ZNF519: variants seen among roughly 807,000 people sequenced by gnomAD.
ZNF519 encodes the protein zinc finger protein 519.
ZNF519 carries 7 observed loss-of-function variants against 7.4 expected under a neutral mutation model. The observed-to-expected ratio is 0.94, with a 90% CI of 0.54 to 1.77. The LOEUF is 1.77. Among genes scored for constraint, ZNF519 ranks in the 40% most tolerant of loss-of-function variants. The pLI is 0.00. For missense variants in ZNF519, 586 were observed against 623.1 expected (o/e 0.94, Z 0.63); for synonymous variants, 179 against 203.3 (o/e 0.88, Z 1.02).
rs977652980 is a variant in ZNF519 at position 14,103,653 on chromosome 18, C to T, written c.*1264G>A. On this transcript the variant is annotated 3_prime_UTR_variant, in exon 3 of 3. Coordinates refer to ENST00000590202, the MANE Select transcript of ZNF519 (RefSeq NM_145287.4). Reference sequence around the variant, plus strand: ...TAACTACTCAACACACCTTGGGGAACTTGTTAGAGTAACAAGTAATAACTT... The same window carrying T: ...TAACTACTCAACACACCTTGGGGAATTTGTTAGAGTAACAAGTAATAACTT... 15 of 152,142 alleles carry T rather than the reference C, an allele frequency of 9.9e-5. No individual in the cohort carries two copies. The highest frequency in any genetic ancestry group is 3.6e-4 in the African/African-American group (15 of 41,508). 9.4% of individuals were successfully genotyped at this position (152,142 alleles called of 1,614,324 possible).
intron 2 of ZNF519, among the ~76,000 whole-genome samples, chr18:14,092,612 T>C (rs2046119110): frequency 6.6e-6 from 1 of 152,122 alleles, no homozygotes; most frequent in Admixed American, 6.5e-5. Flanking sequence ...GCCTCGACAG[T>C]GACCTACCCA....
At chr18:14,079,511 C>T (rs188303244) in intron 3 of ZNF519, among the ~76,000 whole-genome samples, 43 of 152,228 alleles carry the variant, frequency 2.8e-4, no homozygotes, top group Admixed American at 2.7e-3. Context: ...AGTTTCAAGA[C>T]TTACAATAAA....
chr18:14,082,903 A>G (rs75348127), intron 3 of ZNF519: 7,305 of 152,320 alleles, frequency 0.048, 277 homozygotes, highest in Non-Finnish European at 0.073. Context: ...GCCCAGGACT[A>G]TGAACTCCTG....
chr18:14,087,983 G>A (rs2046098669), intron 2 of ZNF519, among the ~76,000 whole-genome samples: 1 of 152,168 alleles, frequency 6.6e-6, no homozygotes, highest in Non-Finnish European at 1.5e-5. Flanking sequence ...ATGGAACTAT[G>A]TAGAGAGAGC....
intron 2 of ZNF519, among the ~76,000 whole-genome samples, chr18:14,086,001 T>A (rs978484495): frequency 1.3e-5 from 2 of 152,116 alleles, no homozygotes; most frequent in African/African-American, 2.4e-5. Flanking sequence ...CCAGTTTCCA[T>A]TGGCTTTGGC....
chr18:14,079,114 G>A (rs2046060380), intron 3 of ZNF519, among the ~76,000 whole-genome samples: 1 of 152,174 alleles, frequency 6.6e-6, no homozygotes, highest in Admixed American at 6.5e-5. Flanking sequence ...TTTGGTGTTT[G>A]TATCTTTCTA....
intron 2 of ZNF519, among the ~76,000 whole-genome samples, chr18:14,092,426 G>T (rs1257470346): frequency 6.6e-6 from 1 of 152,158 alleles, no homozygotes; most frequent in Admixed American, 6.5e-5. Context: ...TATAAGTGTA[G>T]GACTTAGAGG....
At chr18:14,097,137 T>C (rs2046140109), downstream of ZNF519, among the ~76,000 whole-genome samples, 1 of 152,210 alleles carries the variant, frequency 6.6e-6, no homozygotes, top group South Asian at 2.1e-4. Context: ...TAGTTCCTTT[T>C]GGCTACAAAT....
chr18:14,074,086 C>G (rs1025168231), downstream of ZNF519: 1 of 152,228 alleles, frequency 6.6e-6, no homozygotes, highest in African/African-American at 2.4e-5. Context: ...CTGTAGTCAT[C>G]TGTGTCCTGC....
rs1301742354 is a variant in ZNF519 at position 14,102,383 on chromosome 18, A to T, written c.*2534T>A. ...AGGGTTTTACTAAGTTGGCTAGGCT[A>T]GTCTCGAACTCCTGACCTCAGGTGA... On this transcript the variant is annotated 3_prime_UTR_variant, in exon 3 of 3. Coordinates refer to ENST00000590202, the MANE Select transcript of ZNF519 (RefSeq NM_145287.4). 1.3e-5 allele frequency: 2 copies of T among 152,066 alleles called. No individual in the cohort carries two copies. Among genetic ancestry groups the T allele is most frequent in the African/African-American group, 4.8e-5 (2 of 41,400 alleles). The allele number at this position is 152,066 out of a possible 1,614,324, so 9.4% of individuals were successfully genotyped here. A position where few individuals can be genotyped will look rare whatever the true frequency, so the allele number is the denominator to read the frequency against.
chr18:14,084,847 T>C (rs1376878220), intron 3 of ZNF519: 1 of 152,192 alleles, frequency 6.6e-6, no homozygotes, highest in Admixed American at 6.5e-5. Context: ...GAAAACTTTG[T>C]ATAAAATAAA....
At chr18:14,087,765 A>G (rs1318603616) in intron 2 of ZNF519, among the ~76,000 whole-genome samples, 2 of 152,240 alleles carry the variant, frequency 1.3e-5, no homozygotes, top group Admixed American at 1.3e-4. Flanking sequence ...AAAACATAAA[A>G]AGAGCATAGC....
At chr18:14,123,352 A>C (rs1282682625) in intron 2 of ZNF519, 1 of 153,166 alleles carries the variant, frequency 6.5e-6, no homozygotes, top group African/African-American at 2.4e-5. Context: ...TTCCTGACAG[A>C]ATCTTTAGAA....
intron 1 of ZNF519, among the ~76,000 whole-genome samples, chr18:14,125,605 T>C (rs2046295145): frequency 6.6e-6 from 1 of 152,208 alleles, no homozygotes; most frequent in African/African-American, 2.4e-5. Flanking sequence ...TGTATTTACT[T>C]TGAGACTTGT....
downstream of ZNF519, among the ~76,000 whole-genome samples, chr18:14,095,766 T>C (rs1598511889): frequency 6.6e-6 from 1 of 152,132 alleles, no homozygotes; most frequent in Non-Finnish European, 1.5e-5. Context: ...TACTTCTCTC[T>C]CCCTCCCTGC....
intron 3 of ZNF519, among the ~76,000 whole-genome samples, chr18:14,079,619 C>A (rs1012160245): frequency 6.6e-6 from 1 of 152,166 alleles, no homozygotes; most frequent in Non-Finnish European, 1.5e-5. Context: ...ATATAGTCCA[C>A]AGATCTTTGA....
downstream of ZNF519, chr18:14,071,361 TATAC>T (rs1484802054): frequency 6.6e-6 from 1 of 152,132 alleles, no homozygotes; most frequent in African/African-American, 2.4e-5. Context: ...CTTCTATAGA[TATAC>T]ATGCATATAC....
chr18:14,130,641 C>A (rs1015114647), intron 1 of ZNF519, among the ~76,000 whole-genome samples: 25 of 152,086 alleles, frequency 1.6e-4, no homozygotes, highest in Admixed American at 1.2e-3. Context: ...GGAGACACTG[C>A]ACTGTGCCCC....
chr18:14,105,900 A>C lies in ZNF519; in HGVS notation c.640T>G (p.Cys214Gly). Residue 214 changes from cysteine (C) to glycine (G), a missense_variant, in exon 3 of 3, where the codon TGT becomes GGT. By Grantham distance (159) the Cys-to-Gly change is radical (BLOSUM62 -3). Coordinates refer to ENST00000590202, the MANE Select transcript of ZNF519 (RefSeq NM_145287.4). ...IQKKPYNSNE[C>G]GETSDPFSKL... ...GAGAATGGGTCAGAAGTTTCACCAC[A>C]TTCATTAGAGTTGTAAGGCTTTTTT... 6.2e-7 allele frequency: 1 copy of C among 1,609,886 alleles called. No homozygotes were observed. Among genetic ancestry groups the C allele is most frequent in the Non-Finnish European group, 8.5e-7 (1 of 1,178,850 alleles).
Sources: gnomAD v4.1 joint callset for allele counts (sites outside exome capture counted in the v4.1 genomes callset) on GRCh38, gnomAD v4.1.1 for gene constraint, MANE v1.5 for transcripts, NCBI Gene and HGNC (gene_info 2026-07-23, HGNC 2026-07-21) for gene names.